The following MECOM variants were observed in gnomAD, a reference collection of about 807,000 sequenced individuals.
MECOM encodes MDS1 and EVI1 complex locus, also known as histone-lysine N-methyltransferase MECOM.
In MECOM, 13 loss-of-function variants were observed where a neutral mutation model predicts 116.3. The observed-to-expected ratio is 0.11, with a 90% CI of 0.07 to 0.18. The LOEUF (loss-of-function observed/expected upper bound fraction) is 0.18, where lower values mean the gene tolerates loss of function less well. Among genes scored for constraint, MECOM ranks in the 10% least tolerant of loss-of-function variants. The pLI, the probability that MECOM is intolerant of heterozygous loss-of-function variation, is 1.00. For synonymous variants in MECOM, 528 were observed against 535.2 expected (o/e 0.99, Z 0.19); for missense variants, 1,299 against 1,509.0 (o/e 0.86, Z 2.31).
At chr3:169,486,010 A>AG (rs1560341455) in intron 1 of MECOM, among the ~76,000 whole-genome samples, 1 of 128,520 alleles carries the variant, frequency 7.8e-6, no homozygotes, top group African/African-American at 3.1e-5. Flanking sequence ...TATATACTAT[A>AG]TATATATGTA....
chr3:169,247,989 A>T (rs959203789), intron 2 of MECOM, among the ~76,000 whole-genome samples: 1 of 152,202 alleles, frequency 6.6e-6, no homozygotes, highest in African/African-American at 2.4e-5. Context: ...CCATTTCTTC[A>T]TCTCTAAAAT....
At chr3:169,137,507 T>C (rs914499692) in intron 3 of MECOM, among the ~76,000 whole-genome samples, 28 of 152,116 alleles carry the variant, frequency 1.8e-4, no homozygotes, top group Non-Finnish European at 1.3e-4. Context: ...CTATGGAAGC[T>C]TTATCATGGC....
At chr3:169,399,116 G>T (rs774454024) in intron 1 of MECOM, among the ~76,000 whole-genome samples, 1 of 151,954 alleles carries the variant, frequency 6.6e-6, no homozygotes, top group African/African-American at 2.4e-5. Context: ...CCATCTCCTC[G>T]TTTTGATTTC....
At chr3:169,573,124 C>T (rs1362831894) in intron 1 of MECOM, among the ~76,000 whole-genome samples, 2 of 152,198 alleles carry the variant, frequency 1.3e-5, no homozygotes, top group Non-Finnish European at 1.5e-5. Context: ...CCAGCTCCTG[C>T]TCCCAGGCTT....
Position 169,107,939 on chromosome 3 carries a change from T to C in MECOM, c.2591A>G (p.Asp864Gly). 4 of 1,613,000 alleles carry C rather than the reference T, an allele frequency of 2.5e-6. No homozygotes were observed. Among genetic ancestry groups the C allele is most frequent in the Non-Finnish European group, 3.4e-6 (4 of 1,179,404 alleles). The change falls in exon 10 of 17, where the codon GAT becomes GGT. Residue 864 changes from aspartate (D) to glycine (G), a missense_variant. Asp to Gly is a moderately conservative substitution (Grantham distance 94). This residue lies in a region of MECOM where 340 missense variants were observed against 312.6 expected (regional missense o/e 1.09). Transcript: ENST00000651503. ...FLFHPQFQLP[D>G]QRTWMSAIEN... ...TAGGAAACTTACCCAAGTTCTCTGA[T>C]CAGGCAGTTGGAACTGGGAGCAAAA...
chr3:169,334,632 A>G (rs1248402612), intron 2 of MECOM, among the ~76,000 whole-genome samples: 7 of 152,184 alleles, frequency 4.6e-5, no homozygotes, highest in African/African-American at 1.4e-4. Context: ...ATCCTGTATA[A>G]TAAGTACACT....
chr3:169,159,510 G>A (rs1384764333), intron 2 of MECOM, among the ~76,000 whole-genome samples: 1 of 152,106 alleles, frequency 6.6e-6, no homozygotes, highest in Non-Finnish European at 1.5e-5. Context: ...GGCGAGCCAA[G>A]ATCACGCCAC....
intron 1 of MECOM, among the ~76,000 whole-genome samples, chr3:169,398,466 A>G (rs140122582): frequency 1.3e-5 from 2 of 152,322 alleles, no homozygotes; most frequent in African/African-American, 4.8e-5. Flanking sequence ...ATCAAGATTG[A>G]CATTCATTTT....
At chr3:169,547,861 A>C (rs553794761) in intron 1 of MECOM, among the ~76,000 whole-genome samples, 3 of 152,178 alleles carry the variant, frequency 2.0e-5, no homozygotes, top group African/African-American at 7.2e-5. Context: ...CAAGCCAGAG[A>C]ATGCCAAGGG....
intron 1 of MECOM, among the ~76,000 whole-genome samples, chr3:169,620,813 T>C (rs961050768): frequency 6.6e-6 from 1 of 152,038 alleles, no homozygotes; most frequent in Non-Finnish European, 1.5e-5. Context: ...GGAACTGAGA[T>C]CTAGTTTTTT....
chr3:169,510,625 C>T (rs1755851261), intron 1 of MECOM, among the ~76,000 whole-genome samples: 1 of 151,180 alleles, frequency 6.6e-6, no homozygotes, highest in Admixed American at 6.6e-5. Flanking sequence ...TCAGATGAAG[C>T]ATTAACAAAG....
chr3:169,349,414 TG>T (rs1178611962), intron 2 of MECOM, among the ~76,000 whole-genome samples: 1 of 151,782 alleles, frequency 6.6e-6, no homozygotes, highest in Non-Finnish European at 1.5e-5. Flanking sequence ...CACGCTCTAG[TG>T]GGGGGCCCTC....
chr3:169,582,135 T>C (rs2109544894), intron 1 of MECOM, among the ~76,000 whole-genome samples: 1 of 152,326 alleles, frequency 6.6e-6, no homozygotes, highest in Admixed American at 6.5e-5. Flanking sequence ...GATTGCAGAA[T>C]GTGTAGGATA....
chr3:169,602,545 G>C (rs1767957844), intron 1 of MECOM, among the ~76,000 whole-genome samples: 1 of 152,018 alleles, frequency 6.6e-6, no homozygotes, highest in Non-Finnish European at 1.5e-5. Context: ...AGCATCCCTG[G>C]CTTCTATTCA....
chr3:169,120,904 T>A, intron 7 of MECOM, 152 bp downstream of exon 7: 2 of 661,438 alleles, frequency 3.0e-6, no homozygotes, highest in Non-Finnish European at 4.6e-6. Context: ...TATAAAAGAT[T>A]TACTTGTAAT....
chr3:169,373,299 T>C (rs970070087), intron 2 of MECOM, among the ~76,000 whole-genome samples: 16 of 152,036 alleles, frequency 1.1e-4, no homozygotes, highest in African/African-American at 3.9e-4. Context: ...AGCTTATTTT[T>C]ACCAGACCAT....
At chr3:169,326,899 G>C (rs139032570) in intron 2 of MECOM, among the ~76,000 whole-genome samples, 7 of 152,242 alleles carry the variant, frequency 4.6e-5, no homozygotes, top group African/African-American at 1.2e-4. Context: ...AGGACAATGT[G>C]GGTATATTTT....
chr3:169,110,426 G>C (rs1182894030), intron 9 of MECOM, among the ~76,000 whole-genome samples: 5 of 148,770 alleles, frequency 3.4e-5, no homozygotes, highest in Admixed American at 1.3e-4. Context: ...GCTACCCTGG[G>C]AAGGGTAAGA....
chr3:169,182,649 T>C (rs1420507466), intron 2 of MECOM, among the ~76,000 whole-genome samples: 1 of 152,188 alleles, frequency 6.6e-6, no homozygotes, highest in African/African-American at 2.4e-5. Context: ...TTGGTGTCAA[T>C]TTGCTTTGAT....
Sources: gnomAD v4.1 joint callset for allele counts (sites outside exome capture counted in the v4.1 genomes callset) on GRCh38, gnomAD v4.1.1 for gene constraint, gnomAD v4.1.1 regional missense constraint, MANE v1.5 for transcripts, NCBI Gene and HGNC (gene_info 2026-07-23, HGNC 2026-07-21) for gene names.